SQSTM1: variants seen among roughly 807,000 people sequenced by gnomAD.
SQSTM1 encodes sequestosome-1.
Under a neutral mutation model 45.1 loss-of-function variants are expected in SQSTM1, and 36 were observed. The observed-to-expected ratio is 0.80, with a 90% CI of 0.61 to 1.05. The LOEUF (loss-of-function observed/expected upper bound fraction) is 1.05, where lower values mean the gene tolerates loss of function less well. Among genes scored for constraint, SQSTM1 ranks in the 50% least tolerant of loss-of-function variants. The pLI is 0.00. For synonymous variants in SQSTM1, 290 were observed against 244.3 expected (o/e 1.19, Z -1.74); for missense variants, 617 against 607.1 (o/e 1.02, Z -0.17).
intron 1 of SQSTM1, chr5:179,821,643 C>T: frequency 2.4e-6 from 1 of 408,712 alleles, no homozygotes; most frequent in South Asian, 1.7e-5. Context: ...GTGCGGGGGA[C>T]TCGCGAGCGC....
At chr5:179,819,271 T>C (rs1341031784), upstream of SQSTM1, among the ~76,000 whole-genome samples, 1 of 151,908 alleles carries the variant, frequency 6.6e-6, no homozygotes, top group Non-Finnish European at 1.5e-5. Context: ...CAGAGCCGGG[T>C]GTCCACCCCA....
chr5:179,821,043 A>G lies in SQSTM1; in HGVS notation c.107A>G (p.Glu36Gly). Residue 36 changes from glutamate to glycine, a missense_variant, in exon 1 of 8, where the codon GAG becomes GGG. Glu to Gly is a moderately conservative substitution (Grantham distance 98, BLOSUM62 -2). Transcript: ENST00000389805. Reference protein sequence around the residue: ...CCSPEPEAEAEAAAGPGPCER... With the variant: ...CCSPEPEAEAGAAAGPGPCER... Reference sequence around the variant, plus strand: ...AGCCCCGAGCCTGAGGCGGAAGCCGAGGCTGCGGCGGGTCCGGGACCCTGC... The same window carrying G: ...AGCCCCGAGCCTGAGGCGGAAGCCGGGGCTGCGGCGGGTCCGGGACCCTGC... 6.5e-7 allele frequency: 1 copy of G among 1,547,358 alleles called. No individual in the cohort carries two copies. Among genetic ancestry groups the G allele is most frequent in the Non-Finnish European group, 8.6e-7 (1 of 1,156,106 alleles).
Position 179,837,157 on chromosome 5 carries a change from T to C in SQSTM1, c.*564T>C. On this transcript the variant is annotated 3_prime_UTR_variant, in exon 8 of 8. Transcript: ENST00000389805. Reference sequence around the variant, plus strand: ...TCTCTTCACCACTGTAGTTCTCTCATTTCCAAACCATCAGCTGCTTTTAAA... The same window carrying C: ...TCTCTTCACCACTGTAGTTCTCTCACTTCCAAACCATCAGCTGCTTTTAAA... The C allele has an allele frequency of 1.4e-6, 2 of 1,451,810 alleles. No homozygotes were observed. Among genetic ancestry groups the C allele is most frequent in the Non-Finnish European group, 1.9e-6 (2 of 1,069,228 alleles). The allele number at this position is 1,451,810 out of a possible 1,614,324, so 89.9% of individuals were successfully genotyped here. A position where few individuals can be genotyped will look rare whatever the true frequency, so the allele number is the denominator to read the frequency against.
chr5:179,836,200 G>A, intron 7 of SQSTM1: 1 of 606,932 alleles, frequency 1.6e-6, no homozygotes. Flanking sequence ...TGATGGTTCT[G>A]CTTACACACC....
Position 179,820,963 on chromosome 5 carries a change from C to T in SQSTM1, c.27C>T (p.Tyr9=). 6.4e-7 allele frequency: 1 copy of T among 1,573,670 alleles called. No individual in the cohort carries two copies. Among genetic ancestry groups the T allele is most frequent in the East Asian group, 2.4e-5 (1 of 41,148 alleles). MASLTVKA[Y]LLGKEDAARE... ...TGGCGTCGCTCACCGTGAAGGCCTACCTTCTGGGCAAGGAGGACGCGGCGC... is the reference window on the plus strand; with the variant it reads ...TGGCGTCGCTCACCGTGAAGGCCTATCTTCTGGGCAAGGAGGACGCGGCGC... Residue 9 remains tyrosine, a synonymous_variant, in exon 1 of 8, where the codon TAC becomes TAT. Transcript: ENST00000389805.
At chr5:179,822,800 G>C (rs960034469) in intron 1 of SQSTM1, 158 bp from the exon 2 acceptor site, 1 of 713,970 alleles carries the variant, frequency 1.4e-6, no homozygotes, top group Non-Finnish European at 2.5e-6. Context: ...GAGCAAGGGG[G>C]TAGTCTTGCC....
chr5:179,837,854 T>C lies in SQSTM1; in HGVS notation c.*1261T>C. 6.2e-7 allele frequency: 1 copy of C among 1,609,638 alleles called. No individual in the cohort carries two copies. Among genetic ancestry groups the C allele is most frequent in the Non-Finnish European group, 8.5e-7 (1 of 1,179,858 alleles). The stretch of plus-strand genomic sequence containing the variant: ...CTCCTGGAGGCAGGGGCTGCTGCCT[T>C]GTTTCACCTTCCATGTCAGGCCAGC... On this transcript the variant is annotated 3_prime_UTR_variant, in exon 8 of 8. Transcript: ENST00000389805.
upstream of SQSTM1, among the ~76,000 whole-genome samples, chr5:179,816,261 G>C (rs1217872002): frequency 2.0e-5 from 3 of 152,186 alleles, no homozygotes; most frequent in East Asian, 1.9e-4. Context: ...CAATTCTCTT[G>C]CCTCAGCCTC....
In SQSTM1 at chr5:179,833,188, C is replaced by A; in HGVS notation, c.911C>A (p.Thr304Lys). 1 of 1,613,560 alleles carries A rather than the reference C, an allele frequency of 6.2e-7. No homozygotes were observed. The highest frequency in any genetic ancestry group is 8.5e-7 in the Non-Finnish European group (1 of 1,179,820). ...SKPGGNVEGA[T>K]QSLAEQMRKI... ...CCGGGTGGGAATGTTGAGGGCGCCA[C>A]GCAGTCTCTGGCGGAGCAGATGAGG... The change falls in exon 6 of 8, where the codon ACG (threonine) becomes AAG (lysine). Residue 304 changes from threonine (T) to lysine (K), a missense_variant. Coordinates refer to ENST00000389805, the MANE Select transcript of SQSTM1 (RefSeq NM_003900.5).
intron 1 of SQSTM1, among the ~76,000 whole-genome samples, chr5:179,821,953 A>C (rs968747870): frequency 6.6e-6 from 1 of 152,200 alleles, no homozygotes; most frequent in African/African-American, 2.4e-5. Flanking sequence ...TCTTAAAAAA[A>C]AAAAAATTGT....
rs182522590 is a variant in SQSTM1, at chr5:179,833,040, G to C, written c.763G>C (p.Val255Leu). The C allele has an allele frequency of 1.9e-5, 31 of 1,614,186 alleles. No individual in the cohort carries two copies. The Admixed American group carries it at 5.0e-4, about 26-fold the overall frequency. Reference sequence around the variant, plus strand: ...TCCTCCTCCGCCTCTAGGCATTGAAGTTGATATCGATGTGGAGCACGGAGG... The same window carrying C: ...TCCTCCTCCGCCTCTAGGCATTGAACTTGATATCGATGTGGAGCACGGAGG... ...AAALSPLGIE[V>L]DIDVEHGGKR... The change falls in exon 6 of 8, where the codon GTT becomes CTT. Residue 255 changes from valine (V) to leucine (L), a missense_variant. Transcript: ENST00000389805.
rs778947500 is a variant in SQSTM1 at position 179,823,961 on chromosome 5, G to A, written c.405G>A (p.Val135=). Residue 135 remains valine, a synonymous_variant, in exon 3 of 8, where the codon GTG becomes GTA. Transcript: ENST00000389805. ...NVICDGCNGP[V]VGTRYKCSVC... ...TCTGCGATGGCTGCAATGGGCCTGTGGTAGGAACCCGCTACAAGTGCAGCG... is the reference window on the plus strand; with the variant it reads ...TCTGCGATGGCTGCAATGGGCCTGTAGTAGGAACCCGCTACAAGTGCAGCG... The A allele has an allele frequency of 1.9e-6, 3 of 1,614,058 alleles. No individual in the cohort carries two copies. Among genetic ancestry groups the A allele is most frequent in the East Asian group, 2.2e-5 (1 of 44,886 alleles).
At chr5:179,833,010 C>T (rs760302173) in intron 5 of SQSTM1, 22 bp from the exon 6 acceptor site, 9 of 1,613,584 alleles carry the variant, frequency 5.6e-6, no homozygotes, top group Middle Eastern at 3.3e-4. Flanking sequence ...TCACGGCTTG[C>T]TCTTTCCTCC....
chr5:179,818,715 G>T (rs1389961218), upstream of SQSTM1, among the ~76,000 whole-genome samples: 2 of 152,102 alleles, frequency 1.3e-5, no homozygotes, highest in African/African-American at 2.4e-5. Context: ...TAAACAACTC[G>T]CACACCCACG....
chr5:179,822,094 A>C (rs1202151668), intron 1 of SQSTM1, among the ~76,000 whole-genome samples: 1 of 152,218 alleles, frequency 6.6e-6, no homozygotes, highest in African/African-American at 2.4e-5. Flanking sequence ...AACGCCATAC[A>C]TACCTTTTAT....
At chr5:179,815,744 G>A (rs11748203), upstream of SQSTM1, among the ~76,000 whole-genome samples, 1 of 152,118 alleles carries the variant, frequency 6.6e-6, no homozygotes, top group Non-Finnish European at 1.5e-5. Context: ...CTACTTTTAC[G>A]CAAGAGTATG....
intron 1 of SQSTM1, among the ~76,000 whole-genome samples, chr5:179,811,069 C>G (rs1033668268): frequency 2.1e-4 from 32 of 152,042 alleles, no homozygotes; most frequent in Non-Finnish European, 4.0e-4. Context: ...GGTGAAACCC[C>G]GTCTCTACTA....
chr5:179,815,863 G>A (rs957774159), upstream of SQSTM1, among the ~76,000 whole-genome samples: 3 of 152,158 alleles, frequency 2.0e-5, no homozygotes, highest in South Asian at 2.1e-4. Context: ...TGGGACACAC[G>A]GGGCACACAT....
upstream of SQSTM1, among the ~76,000 whole-genome samples, chr5:179,818,054 C>T (rs1484523163): frequency 2.1e-5 from 3 of 144,676 alleles, no homozygotes; most frequent in Non-Finnish European, 4.5e-5. Context: ...ATGTCCAGTG[C>T]CTGGGGATTT....
Sources: allele counts gnomAD v4.1 joint callset (sites outside exome capture counted in the v4.1 genomes callset), GRCh38; gene constraint gnomAD v4.1.1; transcripts MANE v1.5; gene names NCBI Gene and HGNC (gene_info 2026-07-23, HGNC 2026-07-21).